The following AXDND1 variants were observed in gnomAD, a reference collection of about 807,000 sequenced individuals.
AXDND1 encodes axonemal dynein light chain domain containing 1, also known as axonemal dynein light chain domain-containing protein 1.
A neutral mutation model predicts 137.5 loss-of-function variants in AXDND1; 110 were observed. That is an observed-to-expected ratio of 0.80 (90% CI 0.69 to 0.94). The LOEUF is 0.94. Ranked by LOEUF, AXDND1 falls within the 40% of genes least tolerant of loss-of-function variation. The pLI is 0.00. For synonymous variants in AXDND1, 414 were observed against 399.7 expected, an observed-to-expected ratio of 1.04 and a Z score of -0.43; for missense variants, 1,191 against 1,169.8, an observed-to-expected ratio of 1.02 and a Z score of -0.26.
chr1:179,432,028 A>G (rs1197971425), intron 14 of AXDND1, among the ~76,000 whole-genome samples: 1 of 152,196 alleles, frequency 6.6e-6, no homozygotes, highest in Non-Finnish European at 1.5e-5. Context: ...CACCCTTTAA[A>G]AAAAATACTC....
intron 12 of AXDND1, among the ~76,000 whole-genome samples, chr1:179,418,075 AAGGT>A (rs1474730079): frequency 6.6e-6 from 1 of 150,670 alleles, no homozygotes; most frequent in Non-Finnish European, 1.5e-5. Flanking sequence ...TAGTGGAGGG[AAGGT>A]CAGCAGATAA....
intron 17 of AXDND1, among the ~76,000 whole-genome samples, chr1:179,478,663 C>T (rs564870425): frequency 6.6e-6 from 1 of 152,350 alleles, no homozygotes; most frequent in African/African-American, 2.4e-5. Context: ...TCCCCATTGT[C>T]TTGGGCATTA....
chr1:179,434,514 C>T (rs1036871514), intron 15 of AXDND1, among the ~76,000 whole-genome samples: 4 of 152,124 alleles, frequency 2.6e-5, no homozygotes, highest in East Asian at 1.9e-4. Context: ...ATGATCAAGT[C>T]GGCTTTATCC....
intron 12 of AXDND1, among the ~76,000 whole-genome samples, chr1:179,413,693 TG>T: frequency 6.6e-6 from 1 of 152,242 alleles, no homozygotes; most frequent in East Asian, 1.9e-4. Flanking sequence ...TAAATAGTGC[TG>T]GAATAAACAT....
At chr1:179,540,628 G>A (rs552037340) in intron 25 of AXDND1, among the ~76,000 whole-genome samples, 3 of 152,254 alleles carry the variant, frequency 2.0e-5, no homozygotes, top group East Asian at 1.9e-4. Flanking sequence ...GGTGTCTGTC[G>A]GCCCCAACTG....
At chr1:179,419,398 G>A (rs545681924) in intron 12 of AXDND1, among the ~76,000 whole-genome samples, 11 of 150,308 alleles carry the variant, frequency 7.3e-5, no homozygotes, top group South Asian at 2.1e-4. Context: ...GATCACTCGC[G>A]GTTAGGAGCT....
At position 179,483,191 on chromosome 1, in the gene AXDND1, T is replaced by C; in HGVS notation, c.2061T>C (p.Ile687=). The part of the protein sequence containing the change: ...QQWLLKIGNE[I]NNGNIELQHH... The stretch of plus-strand genomic sequence containing the variant: ...GGCTTTTGAAGATAGGCAATGAAAT[T>C]AACAACGGTAACATTGAACTTCAGC... Residue 687 remains isoleucine (I), a synonymous_variant, in exon 18 of 26, where the codon ATT becomes ATC. Coordinates refer to ENST00000367618, the MANE Select transcript of AXDND1 (RefSeq NM_144696.6). 1 of 1,610,462 alleles carries C rather than the reference T, an allele frequency of 6.2e-7. No individual in the cohort carries two copies. Among genetic ancestry groups the C allele is most frequent in the South Asian group, 1.1e-5 (1 of 90,456 alleles).
chr1:179,472,382 C>T (rs143250682), intron 17 of AXDND1, among the ~76,000 whole-genome samples: 2,607 of 152,210 alleles, frequency 0.017, 78 homozygotes, highest in African/African-American at 0.059. Context: ...ATTATTCTAG[C>T]ATTAAAATTA....
Position 179,477,310 on chromosome 1 carries a change from G to C in AXDND1, c.1998-5818G>C, listed in dbSNP as rs575832222. ...GTTCTGTGAACATGAACTAACATGT[G>C]TTAGTTCATTTTCACACTGTTGATA... On this transcript the variant is annotated intron_variant, in intron 17 of 25. Transcript: ENST00000367618. Among the ~76,000 whole-genome samples the C allele has an allele frequency of 2.0e-3, 299 of 151,596 alleles. 1 individual carries two copies. Among genetic ancestry groups the C allele is most frequent in the African/African-American group, 6.4e-3 (263 of 41,332 alleles).
intron 13 of AXDND1, 137 bp from the exon 14 acceptor site, chr1:179,430,315 T>C: frequency 1.5e-6 from 1 of 677,986 alleles, no homozygotes. Flanking sequence ...GGTGTAGTAG[T>C]GTAACTTTTC....
At chr1:179,468,696 C>A (rs1663546166) in intron 17 of AXDND1, 55 bp downstream of exon 17, 2 of 1,327,912 alleles carry the variant, frequency 1.5e-6, no homozygotes, top group Admixed American at 2.3e-5. Context: ...AGGTTTGTTG[C>A]AATACACTTC....
Position 179,395,123 on chromosome 1 carries a change from G to T in AXDND1, c.1030G>T (p.Asp344Tyr). 1 of 1,613,002 alleles carries T rather than the reference G, an allele frequency of 6.2e-7. No individual in the cohort carries two copies. The highest frequency in any genetic ancestry group is 8.5e-7 in the Non-Finnish European group (1 of 1,179,542). ...GGAACTGTGTCTAGTTCGGGCACAT[G>T]ATGTGAAATTAACAAAGGAAACAGA... ...TRELCLVRAHDVKLTKETEKA... is the reference protein window; with the variant it reads ...TRELCLVRAHYVKLTKETEKA... Residue 344 changes from aspartate (D) to tyrosine (Y), a missense_variant, in exon 11 of 26, where the codon GAT becomes TAT. By Grantham distance (160) the Asp-to-Tyr change is radical. Coordinates refer to ENST00000367618, the MANE Select transcript of AXDND1 (RefSeq NM_144696.6).
At chr1:179,501,296 T>C (rs548903034) in intron 20 of AXDND1, among the ~76,000 whole-genome samples, 1 of 152,302 alleles carries the variant, frequency 6.6e-6, no homozygotes, top group East Asian at 1.9e-4. Context: ...TGAAACAGCA[T>C]GGTGTTAGTT....
At position 179,535,201 on chromosome 1, in the gene AXDND1, T is replaced by C. The variant is rs16854255; in HGVS notation, c.3031+239T>C. 6.2e-3 allele frequency among the ~76,000 whole-genome samples: 945 copies of C among 152,246 alleles called. 10 individuals carry two copies. The highest frequency in any genetic ancestry group is 0.022 in the African/African-American group (910 of 41,556). ...AAGTAGCTCAGATACAATTTTTATT[T>C]ACAAAACTGGCAAAGGTTTTTTTTT... On this transcript the variant is annotated intron_variant, in intron 25 of 25. Transcript: ENST00000367618.
chr1:179,398,607 G>C (rs1027765523), intron 11 of AXDND1, among the ~76,000 whole-genome samples: 2 of 152,214 alleles, frequency 1.3e-5, no homozygotes, highest in African/African-American at 4.8e-5. Flanking sequence ...GGGGGCCCCT[G>C]CTGGCAACTG....
intron 20 of AXDND1, among the ~76,000 whole-genome samples, chr1:179,509,005 G>A (rs976521333): frequency 1.3e-5 from 2 of 152,102 alleles, no homozygotes; most frequent in African/African-American, 4.8e-5. Flanking sequence ...AAATTTATTA[G>A]GAGGCCATTT....
chr1:179,431,859 A>G (rs72719230), intron 14 of AXDND1, among the ~76,000 whole-genome samples: 6,935 of 152,284 alleles, frequency 0.046, 229 homozygotes, highest in Non-Finnish European at 0.069. Flanking sequence ...CAGAGCCATT[A>G]AAGGAAATTG....
At chr1:179,518,825 T>C (rs1285584722) in intron 21 of AXDND1, among the ~76,000 whole-genome samples, 1 of 152,206 alleles carries the variant, frequency 6.6e-6, no homozygotes, top group Non-Finnish European at 1.5e-5. Context: ...GTCATTGCTA[T>C]TGTGTATAGT....
At chr1:179,544,334 G>A (rs904577162) in intron 25 of AXDND1, 1 of 152,104 alleles carries the variant, frequency 6.6e-6, no homozygotes, top group African/African-American at 2.4e-5. Flanking sequence ...TTTGAACTCT[G>A]CAGACAAGAC....
Sources: gnomAD v4.1 joint callset for allele counts (sites outside exome capture counted in the v4.1 genomes callset) on GRCh38, gnomAD v4.1.1 for gene constraint, MANE v1.5 for transcripts, NCBI Gene and HGNC (gene_info 2026-07-23, HGNC 2026-07-21) for gene names.